HPSE2: variants seen among roughly 807,000 people sequenced by gnomAD.
HPSE2 encodes the protein heparanase 2 (inactive).
Under a neutral mutation model 60.5 loss-of-function variants are expected in HPSE2, and 38 were observed. The observed-to-expected ratio is 0.63, with a 90% CI of 0.48 to 0.82. The LOEUF is 0.82. Ranked by LOEUF, HPSE2 falls within the 40% of genes least tolerant of loss-of-function variation. The pLI is 0.00. For synonymous variants in HPSE2, 295 were observed against 293.2 expected (o/e 1.01, Z -0.06); for missense variants, 713 against 740.4 (o/e 0.96, Z 0.43).
At chr10:99,247,178 A>G in the HPSE2 span, among the ~76,000 whole-genome samples, 10 of 152,228 alleles carry the variant, frequency 6.6e-5, no homozygotes, top group African/African-American at 2.2e-4. Flanking sequence ...CTATACAGTT[A>G]AGACTCACAA....
chr10:99,160,275 T>C (rs1030973866), intron 2 of HPSE2, among the ~76,000 whole-genome samples: 6 of 152,082 alleles, frequency 3.9e-5, no homozygotes, highest in African/African-American at 1.2e-4. Flanking sequence ...AAGATCTGAA[T>C]AGACATTTCA....
intron 2 of HPSE2, among the ~76,000 whole-genome samples, chr10:99,179,376 G>A (rs116791953): frequency 0.015 from 2,291 of 150,758 alleles, 55 homozygotes; most frequent in African/African-American, 0.053. Context: ...AAACCCCATC[G>A]CAAAATTTCC....
intron 6 of HPSE2, among the ~76,000 whole-genome samples, chr10:98,664,355 G>T (rs1947304999): frequency 6.6e-6 from 1 of 152,122 alleles, no homozygotes; most frequent in African/African-American, 2.4e-5. Flanking sequence ...GGGTTTGTGG[G>T]CTGGCAGGGA....
At chr10:99,244,362 A>C in the HPSE2 span, among the ~76,000 whole-genome samples, 1 of 142,310 alleles carries the variant, frequency 7.0e-6, no homozygotes, top group Middle Eastern at 3.3e-3. Flanking sequence ...GCATACTTTG[A>C]CCTTTTTATT....
At chr10:98,601,024 T>C (rs67344039) in intron 9 of HPSE2, among the ~76,000 whole-genome samples, 61,858 of 148,268 alleles carry the variant, frequency 0.42, 15,646 homozygotes, top group Admixed American at 0.53. Context: ...TAATTATGGA[T>C]GCTGGGAAGT....
chr10:99,294,453 CAT>C, the HPSE2 span, among the ~76,000 whole-genome samples: 4 of 144,288 alleles, frequency 2.8e-5, no homozygotes, highest in African/African-American at 7.6e-5. Context: ...AATATATTAA[CAT>C]ATATAATAAT....
the HPSE2 span, among the ~76,000 whole-genome samples, chr10:99,309,283 A>G: frequency 6.6e-6 from 1 of 152,218 alleles, no homozygotes; most frequent in East Asian, 1.9e-4. Context: ...AACTCTGCAA[A>G]TATACTAATA....
chr10:98,901,545 G>A (rs143474166), intron 3 of HPSE2, among the ~76,000 whole-genome samples: 1 of 152,110 alleles, frequency 6.6e-6, no homozygotes, highest in African/African-American at 2.4e-5. Context: ...TTGACAGCTC[G>A]GTCAGAAAAT....
At chr10:98,938,934 C>A (rs1183470995) in intron 3 of HPSE2, among the ~76,000 whole-genome samples, 3 of 144,200 alleles carry the variant, frequency 2.1e-5, no homozygotes, top group Non-Finnish European at 4.5e-5. Flanking sequence ...CAATATTCAA[C>A]ATTCTTAAAG....
At chr10:98,867,601 T>C (rs1170197999) in intron 3 of HPSE2, among the ~76,000 whole-genome samples, 1 of 152,164 alleles carries the variant, frequency 6.6e-6, no homozygotes, top group Non-Finnish European at 1.5e-5. Context: ...CTCAAAAAAC[T>C]AAAAATAGGC....
chr10:99,245,060 T>A, the HPSE2 span, among the ~76,000 whole-genome samples: 4 of 152,140 alleles, frequency 2.6e-5, no homozygotes, highest in Non-Finnish European at 4.4e-5. Flanking sequence ...TTAATTTTGA[T>A]CAGACACTTA....
intron 2 of HPSE2, among the ~76,000 whole-genome samples, chr10:99,184,819 T>TATATATATATATATAC (rs1554912295): frequency 1.5e-3 from 29 of 19,866 alleles, no homozygotes; most frequent in African/African-American, 4.2e-3. Flanking sequence ...TATATATATA[T>TATATATATATATATAC]AGAGAGAGAG....
intron 3 of HPSE2, among the ~76,000 whole-genome samples, chr10:99,030,192 A>G (rs2135449057): frequency 6.6e-6 from 1 of 152,346 alleles, no homozygotes; most frequent in East Asian, 1.9e-4. Flanking sequence ...TGATATTCGC[A>G]TATAATCGTA....
At chr10:98,903,122 CATGA>C (rs1185811720) in intron 3 of HPSE2, among the ~76,000 whole-genome samples, 2 of 152,076 alleles carry the variant, frequency 1.3e-5, no homozygotes, top group African/African-American at 4.8e-5. Flanking sequence ...CAAGCAACAA[CATGA>C]ATGAAACTTA....
chr10:98,952,103 C>T (rs1051874111), intron 3 of HPSE2, among the ~76,000 whole-genome samples: 1 of 152,088 alleles, frequency 6.6e-6, no homozygotes, highest in Non-Finnish European at 1.5e-5. Flanking sequence ...CATGAGTGAC[C>T]CCTTTCTGAT....
chr10:99,143,283 T>C lies in HPSE2; in HGVS notation c.610+955A>G, dbSNP rs143090721. ...ATGAAAAGCTGGAAGAGTCCTGTGC[T>C]TTTCTAAAAGCAAAACAATTTGGTT... On this transcript the variant is annotated intron_variant, in intron 3 of 11. Coordinates refer to ENST00000370552, the MANE Select transcript of HPSE2 (RefSeq NM_021828.5). Among the ~76,000 whole-genome samples, 11 of 152,264 alleles carry C rather than the reference T, an allele frequency of 7.2e-5. No homozygotes were observed. In the East Asian group the frequency reaches 2.1e-3, roughly 29 times the overall value.
chr10:98,749,860 G>C lies in HPSE2; in HGVS notation c.611-5804C>G, dbSNP rs531224850. ...GTTTCAACTTATGATGAGTTTATTG[G>C]GACATAACCTCATAAGTTGAGGAGC... On this transcript the variant is annotated intron_variant, in intron 3 of 11. Coordinates refer to ENST00000370552, the MANE Select transcript of HPSE2 (RefSeq NM_021828.5). Among the ~76,000 whole-genome samples the C allele has an allele frequency of 3.6e-4, 52 of 144,078 alleles. 2 individuals are homozygous for C. Among genetic ancestry groups the C allele is most frequent in the African/African-American group, 1.2e-3 (48 of 39,432 alleles). The allele number at this position is 144,078 out of a possible 152,430, so 94.5% of individuals were successfully genotyped here.
intron 3 of HPSE2, among the ~76,000 whole-genome samples, chr10:98,849,599 T>C (rs1952118613): frequency 1.3e-5 from 2 of 152,218 alleles, no homozygotes. Context: ...AAGGATTTAC[T>C]ACGGCCATAA....
chr10:98,997,732 G>A (rs4919265), intron 3 of HPSE2, among the ~76,000 whole-genome samples: 22 of 151,958 alleles, frequency 1.4e-4, no homozygotes, highest in Non-Finnish European at 2.5e-4. Flanking sequence ...CATTTCATGC[G>A]CACTAAAGTG....
Sources: allele counts gnomAD v4.1 joint callset (sites outside exome capture counted in the v4.1 genomes callset), GRCh38; gene constraint gnomAD v4.1.1; transcripts MANE v1.5; gene names NCBI Gene and HGNC (gene_info 2026-07-23, HGNC 2026-07-21).